ELAVL4: variants seen among roughly 807,000 people sequenced by gnomAD.
The protein encoded by ELAVL4 is ELAV like RNA binding protein 4.
Under a neutral mutation model 35.6 loss-of-function variants are expected in ELAVL4, and 1 was observed. The observed-to-expected ratio is 0.03, with a 90% CI of 0.01 to 0.13. The LOEUF (loss-of-function observed/expected upper bound fraction) is 0.13. Among genes scored for constraint, ELAVL4 ranks in the 10% least tolerant of loss-of-function variants. ELAVL4 has a pLI of 1.00. For missense variants in ELAVL4, 267 were observed against 464.9 expected, an observed-to-expected ratio of 0.57 and a Z score of 3.91; for synonymous variants, 156 against 171.0, an observed-to-expected ratio of 0.91 and a Z score of 0.69.
chr1:50,179,799 C>A (rs576966787), intron 3 of ELAVL4: 1 of 152,202 alleles, frequency 6.6e-6, no homozygotes, highest in South Asian at 2.1e-4. Flanking sequence ...TAGGTTCAGG[C>A]AAATCAATAG....
chr1:50,121,153 A>G (rs1043951892), intron 1 of ELAVL4, among the ~76,000 whole-genome samples: 3 of 152,058 alleles, frequency 2.0e-5, no homozygotes, highest in African/African-American at 7.2e-5. Context: ...AGACTGAACT[A>G]CAGAGTTAGA....
At chr1:50,110,965 TA>T (rs530189691) in intron 1 of ELAVL4, among the ~76,000 whole-genome samples, 2 of 149,828 alleles carry the variant, frequency 1.3e-5, no homozygotes, top group Admixed American at 6.7e-5. Flanking sequence ...GCAAACAGTG[TA>T]AAAAAAAAGG....
chr1:50,087,947 A>G (rs945368258), intron 1 of ELAVL4, among the ~76,000 whole-genome samples: 1 of 152,238 alleles, frequency 6.6e-6, no homozygotes, highest in African/African-American at 2.4e-5. Flanking sequence ...AAGTTGACTA[A>G]TATAAAAGCT....
chr1:50,102,028 C>T (rs1037001642), upstream of ELAVL4, among the ~76,000 whole-genome samples: 6 of 152,176 alleles, frequency 3.9e-5, no homozygotes, highest in Non-Finnish European at 8.8e-5. Context: ...TGGCTCACGC[C>T]TGTAATCCCA....
chr1:50,098,989 C>T (rs552908397), upstream of ELAVL4, among the ~76,000 whole-genome samples: 18 of 152,320 alleles, frequency 1.2e-4, no homozygotes, highest in African/African-American at 4.1e-4. Flanking sequence ...TCTAAGGCTT[C>T]TGCTGGTGAC....
chr1:50,136,542 T>C (rs944777663), intron 1 of ELAVL4, among the ~76,000 whole-genome samples: 4 of 152,152 alleles, frequency 2.6e-5, no homozygotes, highest in Non-Finnish European at 5.9e-5. Context: ...TATACATATA[T>C]TTTCAAAAAT....
chr1:50,133,731 A>T (rs1671418850), intron 1 of ELAVL4, among the ~76,000 whole-genome samples: 1 of 152,192 alleles, frequency 6.6e-6, no homozygotes, highest in South Asian at 2.1e-4. Flanking sequence ...TAATTTTCAG[A>T]TTTAAAACTA....
At chr1:50,118,915 C>T (rs919461261) in intron 1 of ELAVL4, among the ~76,000 whole-genome samples, 2 of 122,090 alleles carry the variant, frequency 1.6e-5, no homozygotes, top group African/African-American at 3.1e-5. Flanking sequence ...TCCCAAATGC[C>T]ATTTTGCAGG....
At chr1:50,154,998 G>A (rs533578249) in intron 2 of ELAVL4, among the ~76,000 whole-genome samples, 4 of 151,880 alleles carry the variant, frequency 2.6e-5, no homozygotes, top group African/African-American at 9.7e-5. Context: ...TGACTCAAAC[G>A]GACCACCTAG....
At chr1:50,134,729 G>A (rs1035555306) in intron 1 of ELAVL4, among the ~76,000 whole-genome samples, 2 of 152,090 alleles carry the variant, frequency 1.3e-5, no homozygotes, top group South Asian at 2.1e-4. Context: ...GAATTGTGGG[G>A]GATGAAGGAA....
rs144605729 is a variant in ELAVL4, at chr1:50,197,974, C to T, written c.773+507C>T. ...GCTCTGGCCAAAGGATAAACAAACA[C>T]GTGGATGACTTTCTAACTCCTGCCC... is the stretch of plus-strand genomic sequence containing the variant. On this transcript the variant is annotated intron_variant, in intron 6 of 6. Transcript: ENST00000371824. Among the ~76,000 whole-genome samples, 718 of 152,292 alleles carry T rather than the reference C, an allele frequency of 4.7e-3. 3 individuals are homozygous for T. The highest frequency in any genetic ancestry group is 7.9e-3 in the Non-Finnish European group (538 of 68,018).
chr1:50,092,358 T>C (rs1056240390), intron 1 of ELAVL4, among the ~76,000 whole-genome samples: 1 of 152,126 alleles, frequency 6.6e-6, no homozygotes, highest in Non-Finnish European at 1.5e-5. Context: ...AGACACCAAC[T>C]TGTGCAAAGG....
chr1:50,167,354 A>G (rs1393355619), intron 2 of ELAVL4, among the ~76,000 whole-genome samples: 1 of 152,212 alleles, frequency 6.6e-6, no homozygotes, highest in African/African-American at 2.4e-5. Flanking sequence ...GTGGAATACC[A>G]TGATGGTGGA....
intron 2 of ELAVL4, among the ~76,000 whole-genome samples, chr1:50,148,784 T>G (rs1314351293): frequency 1.3e-5 from 2 of 152,210 alleles, no homozygotes; most frequent in Non-Finnish European, 2.9e-5. Flanking sequence ...ACCAAATACC[T>G]GGTAGAAATT....
intron 3 of ELAVL4, among the ~76,000 whole-genome samples, chr1:50,184,652 T>A (rs1325858324): frequency 2.6e-5 from 4 of 152,218 alleles, no homozygotes; most frequent in Non-Finnish European, 5.9e-5. Context: ...AATTCTGCAG[T>A]GACCCTGAGG....
intron 1 of ELAVL4, among the ~76,000 whole-genome samples, chr1:50,084,225 T>C (rs1210808745): frequency 1.3e-5 from 2 of 152,220 alleles, no homozygotes; most frequent in East Asian, 3.9e-4. Context: ...ATTATAGTAG[T>C]AATTTTTTTA....
intron 3 of ELAVL4, among the ~76,000 whole-genome samples, chr1:50,181,740 A>G (rs1271725469): frequency 6.6e-6 from 1 of 152,124 alleles, no homozygotes; most frequent in Non-Finnish European, 1.5e-5. Context: ...CTGGAACGCA[A>G]TGGTGCGATC....
chr1:50,150,169 C>T (rs1674529969), intron 2 of ELAVL4, among the ~76,000 whole-genome samples: 1 of 152,158 alleles, frequency 6.6e-6, no homozygotes. Flanking sequence ...TATGAAGCAG[C>T]ATGGTCAAAT....
At chr1:50,102,956 T>C (rs573809714), upstream of ELAVL4, among the ~76,000 whole-genome samples, 17 of 152,304 alleles carry the variant, frequency 1.1e-4, no homozygotes, top group South Asian at 3.5e-3. Context: ...TAAGATAGTT[T>C]TCCTGTACTT....
Sources: gnomAD v4.1 joint callset for allele counts (sites outside exome capture counted in the v4.1 genomes callset) on GRCh38, gnomAD v4.1.1 for gene constraint, MANE v1.5 for transcripts, NCBI Gene and HGNC (gene_info 2026-07-23, HGNC 2026-07-21) for gene names.